DCLK2: variants seen among roughly 807,000 people sequenced by gnomAD.
The protein encoded by DCLK2 is serine/threonine-protein kinase DCLK2.
In DCLK2, 31 loss-of-function variants were observed where a neutral mutation model predicts 78.4. The observed-to-expected ratio is 0.40, with a 90% CI of 0.30 to 0.53. The LOEUF (loss-of-function observed/expected upper bound fraction) is 0.53, where lower values mean the gene tolerates loss of function less well. Among genes scored for constraint, DCLK2 ranks in the 20% least tolerant of loss-of-function variants. DCLK2 has a pLI of 0.61. For synonymous variants in DCLK2, 407 were observed against 374.9 expected (o/e 1.09, Z -0.99); for missense variants, 872 against 973.7 (o/e 0.90, Z 1.39).
chr4:150,108,973 G>T (rs554629238), intron 2 of DCLK2, among the ~76,000 whole-genome samples: 1 of 152,108 alleles, frequency 6.6e-6, no homozygotes, highest in Non-Finnish European at 1.5e-5. Flanking sequence ...CCTCTTTGGG[G>T]AACATGGCAA....
intron 2 of DCLK2, among the ~76,000 whole-genome samples, chr4:150,127,178 A>G (rs558571143): frequency 6.6e-5 from 10 of 152,238 alleles, no homozygotes; most frequent in Admixed American, 6.5e-4. Flanking sequence ...CCACCTGTAC[A>G]TTTATAATTT....
At position 150,248,453 on chromosome 4, in the gene DCLK2, G is replaced by A. The variant is rs539664698; in HGVS notation, c.1956+68G>A. On this transcript the variant is annotated intron_variant, in intron 14 of 15. Coordinates refer to ENST00000296550, the MANE Select transcript of DCLK2 (RefSeq NM_001040260.4). The stretch of plus-strand genomic sequence containing the variant: ...GTGGCCAACAGCACGGTTCCTCACT[G>A]TGATGTTTGCACATGCAAAAGTTAT... The A allele has an allele frequency of 2.8e-5, 37 of 1,335,896 alleles. No individual in the cohort carries two copies. In the East Asian group the frequency reaches 4.6e-4, roughly 17 times the overall value. 82.8% of individuals were successfully genotyped at this position (1,335,896 alleles called of 1,614,324 possible). A position where few individuals can be genotyped will look rare whatever the true frequency, so the allele number is the denominator to read the frequency against.
At chr4:150,082,264 A>G (rs772691998) in intron 1 of DCLK2, among the ~76,000 whole-genome samples, 5 of 152,194 alleles carry the variant, frequency 3.3e-5, no homozygotes, top group Admixed American at 6.5e-5. Context: ...ATTTTACAAC[A>G]TTATGTTCAA....
intron 3 of DCLK2, 129 bp downstream of exon 3, chr4:150,193,369 A>G (rs966636890): frequency 7.9e-6 from 4 of 505,744 alleles, no homozygotes; most frequent in Non-Finnish European, 1.1e-5. Flanking sequence ...CATTGGCAGT[A>G]CAATTTTTGA....
intron 2 of DCLK2, among the ~76,000 whole-genome samples, chr4:150,141,931 G>A (rs1734135929): frequency 6.6e-6 from 1 of 152,068 alleles, no homozygotes; most frequent in Non-Finnish European, 1.5e-5. Flanking sequence ...ACACTAAATT[G>A]GCCAGAACCC....
At chr4:150,181,660 C>T (rs1038054530) in intron 2 of DCLK2, among the ~76,000 whole-genome samples, 1 of 151,282 alleles carries the variant, frequency 6.6e-6, no homozygotes, top group South Asian at 2.1e-4. Context: ...AGGGAGCTGT[C>T]TGCAGATGCC....
chr4:150,100,050 C>T (rs1730779036), intron 1 of DCLK2, among the ~76,000 whole-genome samples: 1 of 152,092 alleles, frequency 6.6e-6, no homozygotes, highest in African/African-American at 2.4e-5. Context: ...GAAGCTGGGA[C>T]TACAGATGTG....
chr4:150,142,259 T>C (rs570595350), intron 2 of DCLK2, among the ~76,000 whole-genome samples: 5 of 152,272 alleles, frequency 3.3e-5, no homozygotes, highest in African/African-American at 1.2e-4. Flanking sequence ...GTCATCATTA[T>C]GTATATAATT....
intron 2 of DCLK2, among the ~76,000 whole-genome samples, chr4:150,190,919 C>T (rs1023755019): frequency 2.8e-4 from 43 of 152,014 alleles, no homozygotes; most frequent in Admixed American, 2.2e-3. Context: ...TAGGGAGACC[C>T]CATCTCTACC....
intron 1 of DCLK2, among the ~76,000 whole-genome samples, chr4:150,099,574 G>T (rs1730720476): frequency 6.6e-6 from 1 of 152,162 alleles, no homozygotes; most frequent in Non-Finnish European, 1.5e-5. Flanking sequence ...TACTTTAGGG[G>T]TTTGTGTGGC....
intron 13 of DCLK2, among the ~76,000 whole-genome samples, chr4:150,247,959 A>G (rs986930678): frequency 6.6e-6 from 1 of 152,206 alleles, no homozygotes; most frequent in African/African-American, 2.4e-5. Flanking sequence ...CATTTACTCA[A>G]GAAATATGTA....
chr4:150,170,344 AG>A lies in DCLK2; in HGVS notation c.757-22793del, dbSNP rs199844276. On this transcript the variant is annotated intron_variant, in intron 2 of 15. Coordinates refer to ENST00000296550, the MANE Select transcript of DCLK2 (RefSeq NM_001040260.4). ...TAGGCATGAGCCACCATGCCCGGCC[AG>A]TTTTTTTTTAAAAGAAAGAAAAAGA... Among the ~76,000 whole-genome samples the A allele has an allele frequency of 9.8e-3, 1,493 of 152,184 alleles. 8 individuals carry two copies. Among genetic ancestry groups the A allele is most frequent in the Non-Finnish European group, 0.016 (1,066 of 68,000 alleles).
At chr4:150,109,152 T>A (rs1731474761) in intron 2 of DCLK2, among the ~76,000 whole-genome samples, 1 of 152,218 alleles carries the variant, frequency 6.6e-6, no homozygotes, top group Admixed American at 6.5e-5. Flanking sequence ...TTGTTTTGAA[T>A]CACCTAACCA....
At position 150,106,790 on chromosome 4, in the gene DCLK2, T is replaced by A. The variant is rs114345656; in HGVS notation, c.756+3978T>A. Among the ~76,000 whole-genome samples the A allele has an allele frequency of 6.8e-3, 1,038 of 152,326 alleles. 6 individuals are homozygous for A. The highest frequency in any genetic ancestry group is 0.019 in the South Asian group (94 of 4,826). ...TGGGGCTAAAACAGTGTCCCTTGAA[T>A]CTTTTCTTCCTTCAAAATGGGTGAA... On this transcript the variant is annotated intron_variant, in intron 2 of 15. Coordinates refer to ENST00000296550, the MANE Select transcript of DCLK2 (RefSeq NM_001040260.4).
intron 15 of DCLK2, among the ~76,000 whole-genome samples, chr4:150,250,828 A>G (rs1228372900): frequency 6.7e-6 from 1 of 149,076 alleles, no homozygotes. Context: ...GATAGAAGCT[A>G]TAAGGAAGCC....
chr4:150,082,668 C>T (rs1560755162), intron 1 of DCLK2, among the ~76,000 whole-genome samples: 1 of 152,144 alleles, frequency 6.6e-6, no homozygotes, highest in Non-Finnish European at 1.5e-5. Context: ...AGGACTGTGG[C>T]TCTTAATCAA....
At chr4:150,244,702 G>A (rs1408924925) in intron 12 of DCLK2, among the ~76,000 whole-genome samples, 2 of 152,220 alleles carry the variant, frequency 1.3e-5, no homozygotes, top group Admixed American at 6.5e-5. Context: ...TTTCTTACAT[G>A]ACTGCTAAGA....
At chr4:150,209,235 C>T (rs539326079) in intron 5 of DCLK2, among the ~76,000 whole-genome samples, 24 of 152,330 alleles carry the variant, frequency 1.6e-4, no homozygotes, top group African/African-American at 5.8e-4. Context: ...TCTGTTTGGA[C>T]TTAGGGAATC....
At chr4:150,181,218 A>G (rs913329361) in intron 2 of DCLK2, among the ~76,000 whole-genome samples, 17 of 152,140 alleles carry the variant, frequency 1.1e-4, no homozygotes, top group Non-Finnish European at 2.9e-5. Flanking sequence ...GTCTTTTGTT[A>G]TAGGAGTGTC....
Sources: allele counts gnomAD v4.1 joint callset (sites outside exome capture counted in the v4.1 genomes callset), GRCh38; gene constraint gnomAD v4.1.1; transcripts MANE v1.5; gene names NCBI Gene and HGNC (gene_info 2026-07-23, HGNC 2026-07-21).